The following RAB15 variants were observed in gnomAD, a reference collection of about 807,000 sequenced individuals.
The protein encoded by RAB15 is ras-related protein Rab-15.
A neutral mutation model predicts 31.8 loss-of-function variants in RAB15; 13 were observed. The ratio of observed to expected loss-of-function variants is 0.41; its 90% CI spans 0.27 to 0.65. The LOEUF is 0.65. RAB15 is among the 30% of genes least tolerant of loss of function. The pLI is 0.32. For missense variants in RAB15, 220 were observed against 277.3 expected, an observed-to-expected ratio of 0.79 and a Z score of 1.47; for synonymous variants, 100 against 105.6, an observed-to-expected ratio of 0.95 and a Z score of 0.33.
At position 64,951,026 on chromosome 14, in the gene RAB15, C is replaced by T. The variant is rs778206234; in HGVS notation, c.324+48G>A. 3.6e-5 allele frequency: 58 copies of T among 1,613,532 alleles called. No homozygotes were observed. The highest frequency in any genetic ancestry group is 3.3e-4 in the East Asian group (15 of 44,888). On this transcript the variant is annotated intron_variant, in intron 4 of 6. Transcript: ENST00000533601. The surrounding 1 kb of genome is among the most constrained non-coding windows in gnomAD (Gnocchi z 7.2). ...CATCTGGCCCTCGCCTTGCCTTCCCCGGTGAGGCACCCTCTCCACACCCCG... is the reference window on the plus strand; with the variant it reads ...CATCTGGCCCTCGCCTTGCCTTCCCTGGTGAGGCACCCTCTCCACACCCCG...
Position 64,952,315 on chromosome 14 carries a change from TC to T in RAB15, c.185+195del, listed in dbSNP as rs1373025503. ...CCTGCCCTTTGGTGCTTGTAGTCAA[TC>T]CCCTAAAGTTTCTTAGAGGTTGGAG... On this transcript the variant is annotated intron_variant, in intron 2 of 6. Transcript: ENST00000533601. The surrounding 1 kb of genome is among the most constrained non-coding windows in gnomAD (Gnocchi z 4.2). Among the ~76,000 whole-genome samples, 2 of 152,170 alleles carry T rather than the reference TC, an allele frequency of 1.3e-5. No individual in the cohort carries two copies. The highest frequency in any genetic ancestry group is 2.9e-5 in the Non-Finnish European group (2 of 68,030).
intron 1 of RAB15, among the ~76,000 whole-genome samples, chr14:64,956,720 C>T (rs925060660): frequency 3.3e-5 from 5 of 152,088 alleles, no homozygotes; most frequent in East Asian, 1.9e-4. Context: ...ATGACCTTGA[C>T]GTGCCTAGAC....
chr14:64,954,062 A>T lies in RAB15; in HGVS notation c.125-1491T>A, dbSNP rs539298668. On this transcript the variant is annotated intron_variant, in intron 1 of 6. Coordinates refer to ENST00000533601, the MANE Select transcript of RAB15 (RefSeq NM_001308154.2). This position sits in a 1 kb window ranked among gnomAD's most constrained non-coding sequence, Gnocchi z 4.3. The stretch of plus-strand genomic sequence containing the variant: ...CTCTTCCTTCCCACCATCAAGACCA[A>T]TCATCATTTAATTACAAGGGAAAAA... 1 of 985,454 alleles carries T rather than the reference A, an allele frequency of 1.0e-6. No individual in the cohort carries two copies. Among genetic ancestry groups the T allele is most frequent in the African/African-American group, 1.7e-5 (1 of 57,368 alleles). The allele number at this position is 985,454 out of a possible 1,614,324, so 61.0% of individuals were successfully genotyped here.
At chr14:64,960,053 A>G (rs554088270) in intron 1 of RAB15, among the ~76,000 whole-genome samples, 14 of 152,226 alleles carry the variant, frequency 9.2e-5, no homozygotes, top group African/African-American at 3.4e-4. Flanking sequence ...CCTGGGCCCC[A>G]TCCTCTTCCT....
intron 1 of RAB15, among the ~76,000 whole-genome samples, chr14:64,961,911 T>C (rs2139992519): frequency 7.9e-6 from 1 of 126,064 alleles, no homozygotes; most frequent in East Asian, 3.1e-4. Flanking sequence ...CAAGACTCTG[T>C]CTTAAAAAAA....
At chr14:64,967,470 C>T (rs994455514) in intron 1 of RAB15, among the ~76,000 whole-genome samples, 1 of 152,040 alleles carries the variant, frequency 6.6e-6, no homozygotes, top group African/African-American at 2.4e-5. Context: ...ACCTGTAGTC[C>T]CAGCTACTTG....
intron 1 of RAB15, among the ~76,000 whole-genome samples, chr14:64,956,652 C>T (rs1312700873): frequency 6.6e-6 from 1 of 152,138 alleles, no homozygotes; most frequent in Non-Finnish European, 1.5e-5. Context: ...TCAAGGTGTG[C>T]TTTGCAGAGC....
Position 64,970,824 on chromosome 14 carries a change from A to G in RAB15, c.124+1129T>C, listed in dbSNP as rs1887377915. Among the ~76,000 whole-genome samples, 1 of 152,158 alleles carries G rather than the reference A, an allele frequency of 6.6e-6. No homozygotes were observed. Among genetic ancestry groups the G allele is most frequent in the Non-Finnish European group, 1.5e-5 (1 of 68,030 alleles). On this transcript the variant is annotated intron_variant, in intron 1 of 6. Transcript: ENST00000533601. The surrounding 1 kb of genome is among the most constrained non-coding windows in gnomAD (Gnocchi z 4.1). ...GGACAATAAAGCTGGCTTCTTAACC[A>G]GAAGGTTCTGTTCCTCCTGGCTGTA...
rs1351061146 is a variant in RAB15 at position 64,954,511 on chromosome 14, G to C, written c.125-1940C>G. The C allele has an allele frequency of 1.0e-6, 1 of 985,294 alleles. No homozygotes were observed. The allele number at this position is 985,294 out of a possible 1,614,324, so 61.0% of individuals were successfully genotyped here. ...GCCTTGTGCAAAGCCATCACAAGGG[G>C]GACAGGAAGAGAGAAGGTTTTATTT... On this transcript the variant is annotated intron_variant, in intron 1 of 6. Coordinates refer to ENST00000533601, the MANE Select transcript of RAB15 (RefSeq NM_001308154.2). This position sits in a 1 kb window ranked among gnomAD's most constrained non-coding sequence, Gnocchi z 4.3.
At chr14:64,960,825 G>A (rs953093512) in intron 1 of RAB15, among the ~76,000 whole-genome samples, 2 of 152,180 alleles carry the variant, frequency 1.3e-5, no homozygotes, top group Non-Finnish European at 2.9e-5. Flanking sequence ...GCCCAAGCCA[G>A]CACTTGGCTG....
rs1031839246 is a variant in RAB15, at chr14:64,958,319, T to C, written c.125-5748A>G. ...CTCAGTCGTGATGTTAGAGCCCTCA[T>C]GCATGGGACTAACGCCCTTAGAAAA... On this transcript the variant is annotated intron_variant, in intron 1 of 6. Transcript: ENST00000533601. This position sits in a 1 kb window ranked among gnomAD's most constrained non-coding sequence, Gnocchi z 4.4. Among the ~76,000 whole-genome samples the C allele has an allele frequency of 1.3e-5, 2 of 152,256 alleles. No homozygotes were observed. Among genetic ancestry groups the C allele is most frequent in the Middle Eastern group, 3.4e-3 (1 of 294 alleles).
In RAB15 at chr14:64,951,282, T is replaced by C. The variant is rs962218380; in HGVS notation, c.247-131A>G. The stretch of plus-strand genomic sequence containing the variant: ...TCCCTGCTCAGCATCCAGAAATATC[T>C]CTTCTCTCAGACCCCACCACTGCCG... On this transcript the variant is annotated intron_variant, in intron 3 of 6. Transcript: ENST00000533601. The surrounding 1 kb of genome is among the most constrained non-coding windows in gnomAD (Gnocchi z 7.2). The C allele has an allele frequency of 2.0e-5, 15 of 758,334 alleles. No homozygotes were observed. The highest frequency in any genetic ancestry group is 2.6e-4 in the Middle Eastern group (1 of 3,888). 47.0% of individuals were successfully genotyped at this position (758,334 alleles called of 1,614,324 possible).
In RAB15 at chr14:64,952,321, A is replaced by C. The variant is rs1886299063; in HGVS notation, c.185+190T>G. ...CTTTGGTGCTTGTAGTCAATCCCCTAAAGTTTCTTAGAGGTTGGAGATTAA... is the reference window on the plus strand; with the variant it reads ...CTTTGGTGCTTGTAGTCAATCCCCTCAAGTTTCTTAGAGGTTGGAGATTAA... On this transcript the variant is annotated intron_variant, in intron 2 of 6. Coordinates refer to ENST00000533601, the MANE Select transcript of RAB15 (RefSeq NM_001308154.2). The surrounding 1 kb of genome is among the most constrained non-coding windows in gnomAD (Gnocchi z 4.2). 6.6e-6 allele frequency among the ~76,000 whole-genome samples: 1 copy of C among 152,158 alleles called. No homozygotes were observed. Among genetic ancestry groups the C allele is most frequent in the Non-Finnish European group, 1.5e-5 (1 of 68,032 alleles).
chr14:64,953,599 C>G lies in RAB15; in HGVS notation c.125-1028G>C, dbSNP rs1213908437. On this transcript the variant is annotated intron_variant, in intron 1 of 6. Transcript: ENST00000533601. This position sits in a 1 kb window ranked among gnomAD's most constrained non-coding sequence, Gnocchi z 4.6. ...AGGGATTTGGCAAATGCGTGCAGGGCAGAAACATATTGGAGAAATCTGCAG... is the reference window on the plus strand; with the variant it reads ...AGGGATTTGGCAAATGCGTGCAGGGGAGAAACATATTGGAGAAATCTGCAG... Among the ~76,000 whole-genome samples, 1 of 152,184 alleles carries G rather than the reference C, an allele frequency of 6.6e-6. No individual in the cohort carries two copies. Among genetic ancestry groups the G allele is most frequent in the Non-Finnish European group, 1.5e-5 (1 of 68,040 alleles).
chr14:64,965,348 A>C, intron 1 of RAB15, among the ~76,000 whole-genome samples: 1 of 151,940 alleles, frequency 6.6e-6, no homozygotes, highest in East Asian at 1.9e-4. Context: ...AATCCCAGCT[A>C]CTCAGGAGGC....
intron 1 of RAB15, among the ~76,000 whole-genome samples, chr14:64,956,982 G>C (rs1346748930): frequency 6.6e-6 from 1 of 151,508 alleles, no homozygotes; most frequent in Non-Finnish European, 1.5e-5. Flanking sequence ...GCCAGGGATG[G>C]AGTGTAGTGG....
rs531019002 is a variant in RAB15 at position 64,963,903 on chromosome 14, T to C, written c.124+8050A>G. On this transcript the variant is annotated intron_variant, in intron 1 of 6. Coordinates refer to ENST00000533601, the MANE Select transcript of RAB15 (RefSeq NM_001308154.2). ...CAAATGTCACTTCCTCTTCAAAGCC[T>C]TCACCAGCCTCCCCGGGAGGGATTT... Among the ~76,000 whole-genome samples, 6 of 152,330 alleles carry C rather than the reference T, an allele frequency of 3.9e-5. No homozygotes were observed. The South Asian group carries it at 1.2e-3, about 32-fold the overall frequency.
In RAB15 at chr14:64,950,715, G is replaced by T; in HGVS notation, c.325-301C>A. 1 of 595,082 alleles carries T rather than the reference G, an allele frequency of 1.7e-6. No individual in the cohort carries two copies. The highest frequency in any genetic ancestry group is 3.0e-6 in the Non-Finnish European group (1 of 334,524). 36.9% of individuals were successfully genotyped at this position (595,082 alleles called of 1,614,324 possible). The stretch of plus-strand genomic sequence containing the variant: ...CAGCCCTCATTCTACAGGAACTGGG[G>T]ACCCAGAGGATTCAAATGGCTTCCC... On this transcript the variant is annotated intron_variant, in intron 4 of 6. Coordinates refer to ENST00000533601, the MANE Select transcript of RAB15 (RefSeq NM_001308154.2). This position sits in a 1 kb window ranked among gnomAD's most constrained non-coding sequence, Gnocchi z 5.6.
chr14:64,969,777 G>GGT (rs1887330524), intron 1 of RAB15, among the ~76,000 whole-genome samples: 1 of 152,198 alleles, frequency 6.6e-6, no homozygotes, highest in African/African-American at 2.4e-5. Flanking sequence ...TGCCCTGGAG[G>GGT]GTTTCAGGAA....
Sources: allele counts gnomAD v4.1 joint callset (sites outside exome capture counted in the v4.1 genomes callset), GRCh38; gene constraint gnomAD v4.1.1; non-coding constraint Gnocchi (gnomAD v3.1); transcripts MANE v1.5; gene names NCBI Gene and HGNC (gene_info 2026-07-23, HGNC 2026-07-21).